Variants in ABCA13 observed in about 807,000 individuals in gnomAD.
The protein encoded by ABCA13 is ATP binding cassette subfamily A member 13, also known as ATP-binding cassette sub-family A member 13.
A neutral mutation model predicts 478.7 loss-of-function variants in ABCA13; 476 were observed. That is an observed-to-expected ratio of 0.99 (90% CI 0.92 to 1.07). ABCA13 has a LOEUF of 1.07. ABCA13 is among the 50% of genes least tolerant of loss of function. ABCA13 has a pLI of 0.00. For synonymous variants in ABCA13, 2,252 were observed against 2,158.9 expected (o/e 1.04, Z -1.20); for missense variants, 6,060 against 5,910.6 (o/e 1.03, Z -0.83).
chr7:48,331,704 T>C (rs1459505949), intron 27 of ABCA13, among the ~76,000 whole-genome samples: 18 of 152,186 alleles, frequency 1.2e-4, no homozygotes, highest in Admixed American at 1.1e-3. Flanking sequence ...CAAACAGTAT[T>C]CTGCCATTGA....
chr7:48,525,534 ACTGT>A (rs1409776220), intron 54 of ABCA13, among the ~76,000 whole-genome samples: 1 of 152,122 alleles, frequency 6.6e-6, no homozygotes, highest in Non-Finnish European at 1.5e-5. Context: ...ATACAGGGAA[ACTGT>A]CTGTTTTTAT....
chr7:48,328,782 T>C (rs1021898466), intron 27 of ABCA13, among the ~76,000 whole-genome samples: 1 of 152,078 alleles, frequency 6.6e-6, no homozygotes, highest in African/African-American at 2.4e-5. Flanking sequence ...AATGAAAAGA[T>C]GCTCAAACTT....
chr7:48,213,216 A>C (rs761061453), intron 3 of ABCA13, among the ~76,000 whole-genome samples: 18 of 152,194 alleles, frequency 1.2e-4, no homozygotes, highest in African/African-American at 2.2e-4. Context: ...GTTTAAAATC[A>C]GTTGATTTGT....
chr7:48,534,665 A>G (rs1833450991), intron 55 of ABCA13, among the ~76,000 whole-genome samples: 1 of 152,190 alleles, frequency 6.6e-6, no homozygotes, highest in Admixed American at 6.5e-5. Context: ...TAGATGCTTA[A>G]CATAATCCCA....
chr7:48,493,798 ATT>A (rs1232134991), intron 48 of ABCA13, among the ~76,000 whole-genome samples: 1 of 152,212 alleles, frequency 6.6e-6, no homozygotes, highest in Non-Finnish European at 1.5e-5. Flanking sequence ...GATTTGGTTG[ATT>A]TGGAGTAAGT....
At position 48,594,782 on chromosome 7, in the gene ABCA13, G is replaced by A; in HGVS notation, c.14713G>A (p.Glu4905Lys). 1 of 1,613,946 alleles carries A rather than the reference G, an allele frequency of 6.2e-7. No individual in the cohort carries two copies. Among genetic ancestry groups the A allele is most frequent in the Non-Finnish European group, 8.5e-7 (1 of 1,179,842 alleles). Residue 4905 changes from glutamate (E) to lysine (K), a missense_variant, in exon 58 of 62, where the codon GAA becomes AAA. Around this residue, in one of 3 missense-constraint regions of ABCA13, gnomAD observed 1,627 missense variants for 1,571.0 expected, o/e 1.04. Coordinates refer to ENST00000435803, the MANE Select transcript of ABCA13 (RefSeq NM_152701.5). ...GCAAACAATAATGAAGGAGGTTCGG[G>A]AAGGCTGTGCTGCGGTGCTGACCTC... ...LWQTIMKEVR[E>K]GCAAVLTSHS...
At chr7:48,568,161 A>C (rs1433827697) in intron 55 of ABCA13, among the ~76,000 whole-genome samples, 1 of 152,108 alleles carries the variant, frequency 6.6e-6, no homozygotes, top group African/African-American at 2.4e-5. Flanking sequence ...AAGAAACCCT[A>C]TACCAATTAA....
At chr7:48,252,244 CT>C (rs760120223) in intron 15 of ABCA13, among the ~76,000 whole-genome samples, 38 of 151,966 alleles carry the variant, frequency 2.5e-4, no homozygotes, top group Admixed American at 7.2e-4. Context: ...CATGGCCCAT[CT>C]TTAAGTTTGT....
chr7:48,510,881 G>T (rs1246947494), intron 50 of ABCA13, among the ~76,000 whole-genome samples: 4 of 151,012 alleles, frequency 2.6e-5, no homozygotes, highest in Non-Finnish European at 5.9e-5. Context: ...AAATACTGGG[G>T]GTTCAATGTA....
Position 48,372,082 on chromosome 7 carries a change from G to T in ABCA13, c.10804-86G>T. On this transcript the variant is annotated intron_variant, in intron 32 of 61. Coordinates refer to ENST00000435803, the MANE Select transcript of ABCA13 (RefSeq NM_152701.5). ...AGCAAGCAGATTTACCTTTCCACTG[G>T]TCCACCTTCTTTCTCCTACCATCTG... 2.3e-6 allele frequency: 3 copies of T among 1,328,520 alleles called. No homozygotes were observed. The Admixed American group carries it at 7.5e-5, about 33-fold the overall frequency. 82.3% of individuals were successfully genotyped at this position (1,328,520 alleles called of 1,614,324 possible).
At chr7:48,246,728 A>G (rs925195666) in intron 13 of ABCA13, among the ~76,000 whole-genome samples, 1 of 152,198 alleles carries the variant, frequency 6.6e-6, no homozygotes, top group South Asian at 2.1e-4. Context: ...TAATTCAATC[A>G]CCGATTTCTT....
chr7:48,541,937 A>G lies in ABCA13; in HGVS notation c.14354+13592A>G, dbSNP rs1046163292. On this transcript the variant is annotated intron_variant, in intron 55 of 61. Transcript: ENST00000435803. Reference sequence around the variant, plus strand: ...TTTTTACATGACACAACACACCATTACAGTGAAATTAAAAATAATGGCCAT... The same window carrying G: ...TTTTTACATGACACAACACACCATTGCAGTGAAATTAAAAATAATGGCCAT... Among the ~76,000 whole-genome samples the G allele has an allele frequency of 3.3e-5, 5 of 151,206 alleles. 1 individual carries two copies. Among genetic ancestry groups the G allele is most frequent in the Admixed American group, 2.0e-4 (3 of 15,122 alleles).
chr7:48,350,703 G>A lies in ABCA13; in HGVS notation c.10265G>A (p.Ser3422Asn), dbSNP rs1302142097. 5.0e-6 allele frequency: 8 copies of A among 1,613,928 alleles called. No individual in the cohort carries two copies. Among genetic ancestry groups the A allele is most frequent in the Non-Finnish European group, 5.1e-6 (6 of 1,179,852 alleles). ...GCTGGACGCTTCCGTTTCTTGGGCA[G>A]CATCTTGGTCAATCTCTCTTCCTGC... ...AGAGRFRFLG[S>N]ILVNLSSCVA... Residue 3422 changes from serine (S) to asparagine (N), a missense_variant, in exon 30 of 62, where the codon AGC becomes AAC. This residue lies in a region of ABCA13 where 4,423 missense variants were observed against 4,309.1 expected (regional missense o/e 1.03). Coordinates refer to ENST00000435803, the MANE Select transcript of ABCA13 (RefSeq NM_152701.5).
At chr7:48,389,447 G>T (rs1585118692) in intron 37 of ABCA13, among the ~76,000 whole-genome samples, 1 of 152,138 alleles carries the variant, frequency 6.6e-6, no homozygotes, top group South Asian at 2.1e-4. Flanking sequence ...CTCAGTCAAA[G>T]GGGTAGTGGT....
At position 48,234,006 on chromosome 7, in the gene ABCA13, T is replaced by C. The variant is rs1165023607; in HGVS notation, c.764-12T>C. ...AACAACTGCTGGTGTAAATCTTTTG[T>C]TATTCCAACAGAGCCAGTTTACCAC... On this transcript the variant is annotated splice_polypyrimidine_tract_variant and intron_variant, in intron 7 of 61. Coordinates refer to ENST00000435803, the MANE Select transcript of ABCA13 (RefSeq NM_152701.5). The C allele has an allele frequency of 2.5e-6, 4 of 1,613,374 alleles. No homozygotes were observed.
At chr7:48,566,761 C>T (rs1235024940) in intron 55 of ABCA13, among the ~76,000 whole-genome samples, 5 of 152,054 alleles carry the variant, frequency 3.3e-5, no homozygotes, top group African/African-American at 1.2e-4. Flanking sequence ...TCCTTATTTG[C>T]CCCCAAAATT....
chr7:48,266,139 A>G (rs904844543), intron 15 of ABCA13, among the ~76,000 whole-genome samples: 1 of 151,722 alleles, frequency 6.6e-6, no homozygotes, highest in Admixed American at 6.6e-5. Flanking sequence ...TGATCAAAAT[A>G]TATTACCTTT....
intron 55 of ABCA13, among the ~76,000 whole-genome samples, chr7:48,561,952 T>G (rs1323302050): frequency 6.6e-6 from 1 of 152,122 alleles, no homozygotes; most frequent in Non-Finnish European, 1.5e-5. Flanking sequence ...GCAGGCTGTC[T>G]TTTCTGAAAG....
At chr7:48,473,552 T>G (rs1827753839) in intron 45 of ABCA13, among the ~76,000 whole-genome samples, 1 of 152,180 alleles carries the variant, frequency 6.6e-6, no homozygotes, top group Non-Finnish European at 1.5e-5. Flanking sequence ...CTCTCATAAT[T>G]TATTAAAGAA....
Sources: gnomAD v4.1 joint callset for allele counts (sites outside exome capture counted in the v4.1 genomes callset) on GRCh38, gnomAD v4.1.1 for gene constraint, gnomAD v4.1.1 regional missense constraint, MANE v1.5 for transcripts, NCBI Gene and HGNC (gene_info 2026-07-23, HGNC 2026-07-21) for gene names.